Variants in NOP9 observed in about 807,000 individuals in gnomAD.
NOP9 encodes the protein nucleolar protein 9.
Under a neutral mutation model 63.0 loss-of-function variants are expected in NOP9, and 50 were observed. That is an observed-to-expected ratio of 0.79 (90% confidence interval 0.63 to 1.00). NOP9 has a LOEUF of 1.00. Ranked by LOEUF, NOP9 falls within the 50% of genes least tolerant of loss-of-function variation. NOP9 has a pLI of 0.00. For missense variants in NOP9, 758 were observed against 803.0 expected (o/e 0.94, Z 0.68); for synonymous variants, 343 against 332.8 (o/e 1.03, Z -0.33).
chr14:24,301,177 T>A (rs377746537), intron 2 of NOP9, among the ~76,000 whole-genome samples: 2 of 152,152 alleles, frequency 1.3e-5, no homozygotes. Context: ...TTCAGGAAAC[T>A]ATACCCTTAC....
the NOP9 span, among the ~76,000 whole-genome samples, chr14:24,287,565 C>T: frequency 6.6e-6 from 1 of 152,172 alleles, no homozygotes; most frequent in Non-Finnish European, 1.5e-5. Flanking sequence ...AAGTCTCAGT[C>T]ATATATCTTT....
Position 24,300,144 on chromosome 14 carries a change from T to C in NOP9, c.190T>C (p.Tyr64His). 12 of 1,613,994 alleles carry C rather than the reference T, an allele frequency of 7.4e-6. No homozygotes were observed. The highest frequency in any genetic ancestry group is 1.0e-5 in the Non-Finnish European group (12 of 1,180,006). ...HPHLSPEALG[Y>H]FRRALSALKE... is the part of the protein sequence containing the mutation. Reference sequence around the variant, plus strand: ...GCACCTGAGCCCGGAAGCTCTGGGATATTTCCGCCGGGCGCTGTCAGCATT... The same window carrying C: ...GCACCTGAGCCCGGAAGCTCTGGGACATTTCCGCCGGGCGCTGTCAGCATT... Residue 64 changes from tyrosine (Y) to histidine (H), a missense_variant, in exon 1 of 10, where the codon TAT (tyrosine) becomes CAT (histidine). Coordinates refer to ENST00000267425, the MANE Select transcript of NOP9 (RefSeq NM_174913.3).
rs144755501 is a variant in NOP9 at position 24,302,300 on chromosome 14, A to G, written c.1019A>G (p.Glu340Gly). The G allele has an allele frequency of 6.2e-7, 1 of 1,614,004 alleles. No individual in the cohort carries two copies. Among genetic ancestry groups the G allele is most frequent in the Non-Finnish European group, 8.5e-7 (1 of 1,179,976 alleles). ...CTGGAGCAGGTCCTGCTGGTGTTGGAGCCCCCAAGACTCCAGAGCCTCTTT... is the reference window on the plus strand; with the variant it reads ...CTGGAGCAGGTCCTGCTGGTGTTGGGGCCCCCAAGACTCCAGAGCCTCTTT... Reference protein sequence around the residue: ...RLLEQVLLVLEPPRLQSLFEE... With the variant: ...RLLEQVLLVLGPPRLQSLFEE... Residue 340 changes from glutamate (E) to glycine (G), a missense_variant, in exon 5 of 10, where the codon GAG (glutamate) becomes GGG (glycine). Glu to Gly is a moderately conservative substitution (Grantham distance 98). Coordinates refer to ENST00000267425, the MANE Select transcript of NOP9 (RefSeq NM_174913.3).
chr14:24,277,434 C>G, the NOP9 span, among the ~76,000 whole-genome samples: 2 of 151,912 alleles, frequency 1.3e-5, no homozygotes, highest in Admixed American at 1.3e-4. Flanking sequence ...GTGAGGGAAC[C>G]CACAAACAAG....
In NOP9 at chr14:24,307,629, G is replaced by A. The variant is rs1405430544; in HGVS notation, c.*2534G>A. 14 of 1,208,068 alleles carry A rather than the reference G, an allele frequency of 1.2e-5. No individual in the cohort carries two copies. Among genetic ancestry groups the A allele is most frequent in the East Asian group, 7.4e-5 (3 of 40,348 alleles). The allele number at this position is 1,208,068 out of a possible 1,614,324, so 74.8% of individuals were successfully genotyped here. On this transcript the variant is annotated 3_prime_UTR_variant, in exon 10 of 10. Transcript: ENST00000267425. ...AGGGAGGGAGAGATCTAGGTTTATCGATTAGGGATGAGGGAGAGACCATGG... is the reference window on the plus strand; with the variant it reads ...AGGGAGGGAGAGATCTAGGTTTATCAATTAGGGATGAGGGAGAGACCATGG...
At chr14:24,284,118 A>G in the NOP9 span, among the ~76,000 whole-genome samples, 2 of 152,152 alleles carry the variant, frequency 1.3e-5, no homozygotes, top group Non-Finnish European at 2.9e-5. Context: ...GTGAGGCTTG[A>G]CAGAGAAAGG....
chr14:24,272,830 C>T, the NOP9 span, among the ~76,000 whole-genome samples: 617 of 152,306 alleles, frequency 4.1e-3, no homozygotes, highest in African/African-American at 0.014. Flanking sequence ...CTCCTTTCTC[C>T]ACACTCCTCC....
At chr14:24,290,007 T>C in the NOP9 span, among the ~76,000 whole-genome samples, 1 of 152,254 alleles carries the variant, frequency 6.6e-6, no homozygotes, top group African/African-American at 2.4e-5. Flanking sequence ...TTTGGATGGT[T>C]ATCTAGGCTG....
At chr14:24,302,806 G>A (rs2041400770) in intron 5 of NOP9, among the ~76,000 whole-genome samples, 2 of 152,158 alleles carry the variant, frequency 1.3e-5, no homozygotes, top group Non-Finnish European at 2.9e-5. Flanking sequence ...GTGTTAGAGT[G>A]GAAGTGCAGT....
At chr14:24,303,323 C>T (rs900137036) in intron 6 of NOP9, 109 bp downstream of exon 6, 1 of 1,373,754 alleles carries the variant, frequency 7.3e-7, no homozygotes, top group Non-Finnish European at 1.0e-6. Flanking sequence ...AGTCTAATGC[C>T]CAAGGAGTTC....
At chr14:24,287,057 T>C in the NOP9 span, among the ~76,000 whole-genome samples, 1 of 152,008 alleles carries the variant, frequency 6.6e-6, no homozygotes, top group Non-Finnish European at 1.5e-5. Context: ...ACCAGGCTAA[T>C]TTTTGTATTT....
upstream of NOP9, among the ~76,000 whole-genome samples, chr14:24,298,148 C>T (rs1019913675): frequency 1.3e-5 from 2 of 152,100 alleles, no homozygotes; most frequent in South Asian, 2.1e-4. Context: ...TGGGCTCAAA[C>T]GATCCTCCTG....
chr14:24,286,348 G>A, the NOP9 span, among the ~76,000 whole-genome samples: 292 of 152,246 alleles, frequency 1.9e-3, 3 homozygotes, highest in East Asian at 2.9e-3. Context: ...TACTGATAGC[G>A]GGCCAGCCTT....
rs1206075714 is a variant in NOP9 at position 24,306,977 on chromosome 14, C to G, written c.*1882C>G. The G allele has an allele frequency of 2.0e-5, 5 of 248,926 alleles. No individual in the cohort carries two copies. The highest frequency in any genetic ancestry group is 9.1e-5 in the East Asian group (1 of 10,964). The allele number at this position is 248,926 out of a possible 1,614,324, so 15.4% of individuals were successfully genotyped here. ...TTATCCTCTTACTCCTTTCAACAAC[C>G]CTAGGAGGTGATGTATTATTATTGC... On this transcript the variant is annotated 3_prime_UTR_variant, in exon 10 of 10. Transcript: ENST00000267425.
chr14:24,307,266 G>T lies in NOP9; in HGVS notation c.*2171G>T. On this transcript the variant is annotated 3_prime_UTR_variant, in exon 10 of 10. Transcript: ENST00000267425. ...CTGCTTTTAGCCCTCAGAGGGAGGG[G>T]CAGCTGTGTGACTTCAGCCCTCTGC... 7.9e-7 allele frequency: 1 copy of T among 1,263,408 alleles called. No homozygotes were observed. The highest frequency in any genetic ancestry group is 1.4e-5 in the South Asian group (1 of 70,888). 78.3% of individuals were successfully genotyped at this position (1,263,408 alleles called of 1,614,324 possible).
At chr14:24,290,357 G>A in the NOP9 span, among the ~76,000 whole-genome samples, 2 of 152,226 alleles carry the variant, frequency 1.3e-5, no homozygotes, top group African/African-American at 4.8e-5. Flanking sequence ...AAGAGATGGT[G>A]GAATGGGGGT....
chr14:24,307,862 G>A lies in NOP9; in HGVS notation c.*2767G>A. 1 of 1,587,988 alleles carries A rather than the reference G, an allele frequency of 6.3e-7. No individual in the cohort carries two copies. The stretch of plus-strand genomic sequence containing the variant: ...TCAGAGCTGAGAGGTACTCCATGGT[G>A]GACCGGAGAGTTCCTTCCCTGGAAC... On this transcript the variant is annotated 3_prime_UTR_variant, in exon 10 of 10. Coordinates refer to ENST00000267425, the MANE Select transcript of NOP9 (RefSeq NM_174913.3).
At chr14:24,278,489 A>G in the NOP9 span, among the ~76,000 whole-genome samples, 3 of 152,196 alleles carry the variant, frequency 2.0e-5, no homozygotes, top group Admixed American at 2.0e-4. Context: ...GGTCACTTGC[A>G]CATAATTGGG....
At chr14:24,292,712 G>A in the NOP9 span, 1 of 1,614,084 alleles carries the variant, frequency 6.2e-7, no homozygotes, top group African/African-American at 1.3e-5. Context: ...CTGGGGAGGA[G>A]ATGACCACGA....
Sources: allele counts gnomAD v4.1 joint callset (sites outside exome capture counted in the v4.1 genomes callset), GRCh38; gene constraint gnomAD v4.1.1; transcripts MANE v1.5; gene names NCBI Gene and HGNC (gene_info 2026-07-23, HGNC 2026-07-21).